Variants in YTHDF2 observed in about 807,000 individuals in gnomAD.
YTHDF2 encodes the protein YTH N6-methyladenosine RNA binding protein F2.
A neutral mutation model predicts 50.4 loss-of-function variants in YTHDF2; 2 were observed. The observed-to-expected ratio is 0.04, with a 90% confidence interval of 0.02 to 0.12. The LOEUF (loss-of-function observed/expected upper bound fraction) is 0.12. YTHDF2 is among the 10% of genes least tolerant of loss of function. The pLI is 1.00. For synonymous variants in YTHDF2, 217 were observed against 255.6 expected, an observed-to-expected ratio of 0.85 and a Z score of 1.44; for missense variants, 483 against 722.6, an observed-to-expected ratio of 0.67 and a Z score of 3.80.
chr1:28,758,264 G>GC (rs2088064218), intron 4 of YTHDF2, among the ~76,000 whole-genome samples: 1 of 152,190 alleles, frequency 6.6e-6, no homozygotes, highest in Admixed American at 6.5e-5. Flanking sequence ...TACCTGGGAG[G>GC]CTGAGGTGGA....
chr1:28,768,213 T>A (rs561030742), intron 4 of YTHDF2, among the ~76,000 whole-genome samples: 169 of 151,708 alleles, frequency 1.1e-3, no homozygotes, highest in Middle Eastern at 3.4e-3. Flanking sequence ...GAAAAAAAAA[T>A]TTTTTTTAAA....
intron 3 of YTHDF2, among the ~76,000 whole-genome samples, chr1:28,739,874 T>G (rs957597782): frequency 3.9e-5 from 6 of 152,224 alleles, no homozygotes; most frequent in African/African-American, 1.4e-4. Context: ...TACACTGTTG[T>G]AACTAATTTA....
chr1:28,753,435 T>G (rs2087988480), intron 4 of YTHDF2, among the ~76,000 whole-genome samples: 1 of 137,022 alleles, frequency 7.3e-6, no homozygotes, highest in Non-Finnish European at 1.6e-5. Flanking sequence ...GTAGTCCTAG[T>G]TGCTCAGGAG....
intron 3 of YTHDF2, 106 bp from the exon 4 acceptor site, chr1:28,742,297 C>T (rs2087788419): frequency 2.1e-6 from 3 of 1,426,684 alleles, no homozygotes; most frequent in Non-Finnish European, 2.8e-6. Context: ...GTCCGGCCTG[C>T]ACACTCCTTT....
chr1:28,743,015 C>A lies in YTHDF2; in HGVS notation c.745C>A (p.Gln249Lys). 2 of 1,614,180 alleles carry A rather than the reference C, an allele frequency of 1.2e-6. No homozygotes were observed. The highest frequency in any genetic ancestry group is 1.7e-6 in the Non-Finnish European group (2 of 1,180,038). The change falls in exon 4 of 5, where the codon CAG becomes AAG. Residue 249 changes from glutamine (Q) to lysine (K), a missense_variant. Transcript: ENST00000373812. This position sits in a 1 kb window ranked among gnomAD's most constrained non-coding sequence, Gnocchi z 6.9. ...WADIASKPAK[Q>K]QPKLKTKNGI... ...TGATATTGCTAGCAAGCCTGCAAAA[C>A]AGCAACCTAAACTGAAGACCAAGAA...
At chr1:28,750,899 C>T (rs1233611802) in intron 4 of YTHDF2, among the ~76,000 whole-genome samples, 1 of 151,704 alleles carries the variant, frequency 6.6e-6, no homozygotes, top group Non-Finnish European at 1.5e-5. Flanking sequence ...TCAAGACCAT[C>T]CTGGGCAACA....
intron 4 of YTHDF2, among the ~76,000 whole-genome samples, chr1:28,755,535 C>T (rs1481433612): frequency 6.6e-6 from 1 of 151,948 alleles, no homozygotes. Flanking sequence ...ACATGAGATA[C>T]GAAAGTAAAG....
At chr1:28,746,381 A>G (rs1034811207) in intron 4 of YTHDF2, among the ~76,000 whole-genome samples, 4 of 152,180 alleles carry the variant, frequency 2.6e-5, no homozygotes, top group Non-Finnish European at 5.9e-5. Context: ...CAGTGGGGAA[A>G]TACAGGGTGA....
At position 28,742,394 on chromosome 1, in the gene YTHDF2, CT is replaced by C; in HGVS notation, c.133-7del. On this transcript the variant is annotated splice_polypyrimidine_tract_variant and splice_region_variant and intron_variant, in intron 3 of 4. Transcript: ENST00000373812. ...TGTGTTTTGATTTGCCTTTTTTTTT[CT>C]TCCACAGAATAATGCATATACTGCC... The C allele has an allele frequency of 6.6e-7, 1 of 1,518,712 alleles. No individual in the cohort carries two copies. The highest frequency in any genetic ancestry group is 8.8e-7 in the Non-Finnish European group (1 of 1,134,906). The allele number at this position is 1,518,712 out of a possible 1,614,324, so 94.1% of individuals were successfully genotyped here. A position where few individuals can be genotyped will look rare whatever the true frequency, so the allele number is the denominator to read the frequency against.
rs764184098 is a variant in YTHDF2 at position 28,742,384 on chromosome 1, CT to C, written c.133-10del. ...GTTAATTTTTTGTGTTTTGATTTGC[CT>C]TTTTTTTTCTTCCACAGAATAATGC... is the stretch of plus-strand genomic sequence containing the variant. On this transcript the variant is annotated intron_variant, in intron 3 of 4. Transcript: ENST00000373812. 3.4e-5 allele frequency: 51 copies of C among 1,513,176 alleles called. No homozygotes were observed. The highest frequency in any genetic ancestry group is 1.8e-4 in the Middle Eastern group (1 of 5,476). The allele number at this position is 1,513,176 out of a possible 1,614,324, so 93.7% of individuals were successfully genotyped here.
intron 3 of YTHDF2, among the ~76,000 whole-genome samples, chr1:28,741,629 G>A (rs1420252038): frequency 2.0e-5 from 3 of 152,176 alleles, no homozygotes; most frequent in Non-Finnish European, 4.4e-5. Context: ...AAACCACTGT[G>A]CATTTCCTTT....
intron 4 of YTHDF2, among the ~76,000 whole-genome samples, chr1:28,764,045 G>A (rs2088180504): frequency 6.6e-6 from 1 of 150,946 alleles, no homozygotes; most frequent in East Asian, 1.9e-4. Context: ...CATCTCCCAG[G>A]TTCAAGCGAT....
At chr1:28,766,265 GTGTGTGTA>G (rs56152221) in intron 4 of YTHDF2, among the ~76,000 whole-genome samples, 91,793 of 151,284 alleles carry the variant, frequency 0.61, 28,900 homozygotes, top group African/African-American at 0.74. Flanking sequence ...ATAATTTTGT[GTGTGTGTA>G]TGTGTGTATG....
chr1:28,737,016 CAG>C lies in YTHDF2; in HGVS notation c.-104_-103del. On this transcript the variant is annotated 5_prime_UTR_variant, in exon 1 of 5. Coordinates refer to ENST00000373812, the MANE Select transcript of YTHDF2 (RefSeq NM_016258.3). ...TGCGTCCGCCGAGGCCCCCGAGTGTCAGGGACAAAAGCCTCCGCCTGCTCCCG... is the reference window on the plus strand; with the variant it reads ...TGCGTCCGCCGAGGCCCCCGAGTGTCGGACAAAAGCCTCCGCCTGCTCCCG... The C allele has an allele frequency of 6.9e-7, 1 of 1,451,090 alleles. No individual in the cohort carries two copies. Among genetic ancestry groups the C allele is most frequent in the Non-Finnish European group, 9.3e-7 (1 of 1,071,480 alleles). 89.9% of individuals were successfully genotyped at this position (1,451,090 alleles called of 1,614,324 possible).
intron 4 of YTHDF2, among the ~76,000 whole-genome samples, chr1:28,746,144 A>G (rs909567653): frequency 1.3e-5 from 2 of 152,154 alleles, no homozygotes; most frequent in African/African-American, 4.8e-5. Flanking sequence ...CTGTTTCTAG[A>G]GGGACAAGTA....
chr1:28,752,655 G>A (rs2087973680), intron 4 of YTHDF2, among the ~76,000 whole-genome samples: 2 of 151,506 alleles, frequency 1.3e-5, no homozygotes, highest in African/African-American at 4.8e-5. Flanking sequence ...TTTAATTTTT[G>A]CTGATTGTCT....
intron 4 of YTHDF2, among the ~76,000 whole-genome samples, chr1:28,760,907 T>C (rs1479548196): frequency 6.6e-6 from 1 of 152,132 alleles, no homozygotes; most frequent in Admixed American, 6.6e-5. Flanking sequence ...TTATTTATTA[T>C]ACATAATTTT....
intron 4 of YTHDF2, among the ~76,000 whole-genome samples, chr1:28,748,101 C>T (rs925341896): frequency 6.7e-6 from 1 of 150,232 alleles, no homozygotes; most frequent in African/African-American, 2.5e-5. Flanking sequence ...GGACTCCAGC[C>T]TGGGCGACAG....
At chr1:28,760,671 C>G (rs952078320) in intron 4 of YTHDF2, among the ~76,000 whole-genome samples, 1 of 151,980 alleles carries the variant, frequency 6.6e-6, no homozygotes, top group African/African-American at 2.4e-5. Context: ...GCCTCCACCT[C>G]CCAGGTTCAA....
Sources: gnomAD v4.1 joint callset for allele counts (sites outside exome capture counted in the v4.1 genomes callset) on GRCh38, gnomAD v4.1.1 for gene constraint, Gnocchi (gnomAD v3.1) non-coding constraint, MANE v1.5 for transcripts, NCBI Gene and HGNC (gene_info 2026-07-23, HGNC 2026-07-21) for gene names.